The following ATG14 variants were observed in gnomAD, a reference collection of about 807,000 sequenced individuals.
The protein encoded by ATG14 is beclin 1-associated autophagy-related key regulator.
A neutral mutation model predicts 60.4 loss-of-function variants in ATG14; 35 were observed. That is an observed-to-expected ratio of 0.58 (90% CI 0.44 to 0.77). The LOEUF (loss-of-function observed/expected upper bound fraction) is 0.77. Ranked by LOEUF, ATG14 falls within the 30% of genes least tolerant of loss-of-function variation. The pLI is 0.00. For synonymous variants in ATG14, 234 were observed against 228.8 expected (o/e 1.02, Z -0.21); for missense variants, 647 against 626.3 (o/e 1.03, Z -0.35).
chr14:55,377,883 G>C lies in ATG14; in HGVS notation c.1108C>G (p.Gln370Glu). 6.2e-7 allele frequency: 1 copy of C among 1,606,454 alleles called. No individual in the cohort carries two copies. The highest frequency in any genetic ancestry group is 2.2e-5 in the East Asian group (1 of 44,784). Residue 370 changes from glutamine (Q) to glutamate (E), a missense_variant, in exon 9 of 10, where the codon CAA becomes GAA. Transcript: ENST00000247178. The stretch of plus-strand genomic sequence containing the variant: ...AGATTCCTGAGGGTATGCAGTGGTT[G>C]TAATTGATCTAAATTTACATGCTAA... ...FSQHVNLDQL[Q>E]PLHTLRNLMY...
At chr14:55,409,372 A>C (rs1392542013) in intron 1 of ATG14, among the ~76,000 whole-genome samples, 2 of 152,252 alleles carry the variant, frequency 1.3e-5, no homozygotes, top group African/African-American at 4.8e-5. Flanking sequence ...CAGTGTATAA[A>C]AGAGAAAAAC....
intron 9 of ATG14, 63 bp downstream of exon 9, chr14:55,377,756 C>A (rs1884946932): frequency 8.0e-7 from 1 of 1,256,132 alleles, no homozygotes; most frequent in Non-Finnish European, 1.1e-6. Flanking sequence ...ACTATGCCAA[C>A]ATACAACTCC....
At chr14:55,384,276 A>G (rs1885086656) in intron 5 of ATG14, among the ~76,000 whole-genome samples, 1 of 152,258 alleles carries the variant, frequency 6.6e-6, no homozygotes, top group Admixed American at 6.5e-5. Flanking sequence ...CTTTTTGAAA[A>G]AAGTCAGCCT....
chr14:55,386,858 C>G lies in ATG14; in HGVS notation c.410-762G>C, dbSNP rs565877370. 2.6e-5 allele frequency among the ~76,000 whole-genome samples: 4 copies of G among 152,274 alleles called. No individual in the cohort carries two copies. The South Asian group carries it at 8.3e-4, about 32-fold the overall frequency. ...CAAAAACAAGCTGTAAACTCTCAGA[C>G]AGATATCTAGGAGTTGCTTAGGCAA... On this transcript the variant is annotated intron_variant, in intron 4 of 9. Transcript: ENST00000247178.
intron 1 of ATG14, among the ~76,000 whole-genome samples, chr14:55,401,397 T>A (rs1386240759): frequency 6.6e-6 from 1 of 152,190 alleles, no homozygotes; most frequent in Non-Finnish European, 1.5e-5. Flanking sequence ...TAGGCATACA[T>A]CTTTTTGTTG....
intron 1 of ATG14, among the ~76,000 whole-genome samples, chr14:55,405,896 G>A (rs1449465469): frequency 6.6e-6 from 1 of 151,920 alleles, no homozygotes; most frequent in Admixed American, 6.6e-5. Flanking sequence ...TGGCGGGGGG[G>A]GCAGGGGAAG....
At chr14:55,399,678 G>A (rs1369648678) in intron 1 of ATG14, among the ~76,000 whole-genome samples, 2 of 152,200 alleles carry the variant, frequency 1.3e-5, no homozygotes, top group African/African-American at 4.8e-5. Context: ...TTTTATATCA[G>A]TGAGACAACA....
intron 5 of ATG14, among the ~76,000 whole-genome samples, chr14:55,385,269 A>G (rs4597235): frequency 0.56 from 84,638 of 151,888 alleles, 26,573 homozygotes; most frequent in African/African-American, 0.87. Flanking sequence ...GCCCAATACC[A>G]CCCATCAGAT....
intron 5 of ATG14, among the ~76,000 whole-genome samples, chr14:55,382,703 T>G (rs1885056566): frequency 6.6e-6 from 1 of 152,118 alleles, no homozygotes; most frequent in South Asian, 2.1e-4. Context: ...GAGAGGAAGA[T>G]CAAACCAGCT....
intron 7 of ATG14, 42 bp from the exon 8 acceptor site, chr14:55,378,116 G>A: frequency 6.4e-7 from 1 of 1,552,754 alleles, no homozygotes; most frequent in African/African-American, 1.4e-5. Flanking sequence ...CATTTTTTGA[G>A]GAAATTCTAT....
chr14:55,395,232 A>G (rs971373987), intron 3 of ATG14: 3 of 362,844 alleles, frequency 8.3e-6, no homozygotes, highest in African/African-American at 2.2e-5. Context: ...CCTCTTGGGC[A>G]TCCTGGCTGC....
Position 55,386,099 on chromosome 14 carries a change from AAAAT to A in ATG14, c.410-7_410-4del. On this transcript the variant is annotated splice_region_variant and splice_polypyrimidine_tract_variant and intron_variant, in intron 4 of 9. Coordinates refer to ENST00000247178, the MANE Select transcript of ATG14 (RefSeq NM_014924.5). ...GGTTTTGAGAAGGCCTTCAGAATCT[AAAAT>A]AAATAAATCACACCCAACAATTATC... 1 of 1,603,406 alleles carries A rather than the reference AAAAT, an allele frequency of 6.2e-7. No individual in the cohort carries two copies. The highest frequency in any genetic ancestry group is 8.5e-7 in the Non-Finnish European group (1 of 1,174,978).
At chr14:55,378,178 T>C in intron 7 of ATG14, 104 bp from the exon 8 acceptor site, 2 of 869,616 alleles carry the variant, frequency 2.3e-6, no homozygotes, top group Non-Finnish European at 3.6e-6. Flanking sequence ...CTCTGTGCCC[T>C]TTTACTCCTT....
intron 1 of ATG14, among the ~76,000 whole-genome samples, chr14:55,402,421 G>T (rs577035716): frequency 3.7e-4 from 56 of 152,160 alleles, no homozygotes; most frequent in African/African-American, 1.2e-3. Flanking sequence ...GCATTTCAAA[G>T]AATCTATCCT....
intron 9 of ATG14, among the ~76,000 whole-genome samples, chr14:55,370,311 C>T (rs1306705970): frequency 1.3e-5 from 2 of 152,154 alleles, no homozygotes; most frequent in African/African-American, 2.4e-5. Flanking sequence ...CAAAAAGCCA[C>T]TTGATGTATA....
chr14:55,386,687 C>T (rs1279254178), intron 4 of ATG14, among the ~76,000 whole-genome samples: 2 of 152,128 alleles, frequency 1.3e-5, no homozygotes, highest in Non-Finnish European at 2.9e-5. Context: ...TTAAGTGCTG[C>T]AAGGGAAACA....
chr14:55,388,161 T>C (rs1885156843), intron 4 of ATG14, among the ~76,000 whole-genome samples: 1 of 152,140 alleles, frequency 6.6e-6, no homozygotes, highest in African/African-American at 2.4e-5. Context: ...CAACATCTCT[T>C]TGCCATCCTG....
At chr14:55,384,421 T>C (rs572500903) in intron 5 of ATG14, among the ~76,000 whole-genome samples, 1 of 152,342 alleles carries the variant, frequency 6.6e-6, no homozygotes, top group Admixed American at 6.5e-5. Flanking sequence ...ATTAACTAAT[T>C]TACAGACCTT....
intron 5 of ATG14, among the ~76,000 whole-genome samples, chr14:55,382,794 T>C (rs1885058053): frequency 6.6e-6 from 1 of 152,188 alleles, no homozygotes; most frequent in South Asian, 2.1e-4. Flanking sequence ...AACTACTTGG[T>C]CTCAACACCT....
Sources: gnomAD v4.1 joint callset for allele counts (sites outside exome capture counted in the v4.1 genomes callset) on GRCh38, gnomAD v4.1.1 for gene constraint, MANE v1.5 for transcripts, NCBI Gene and HGNC (gene_info 2026-07-23, HGNC 2026-07-21) for gene names.